The following LRP1B variants were observed in gnomAD, a reference collection of about 807,000 sequenced individuals.
LRP1B encodes low-density lipoprotein receptor-related protein 1B.
LRP1B carries 217 observed loss-of-function variants against 556.6 expected under a neutral mutation model. The observed-to-expected ratio is 0.39, with a 90% CI of 0.35 to 0.44. The LOEUF (loss-of-function observed/expected upper bound fraction) is 0.44, where lower values mean the gene tolerates loss of function less well. Ranked by LOEUF, LRP1B falls within the 20% of genes least tolerant of loss-of-function variation. The probability of loss-of-function intolerance (pLI) is 1.00; values close to 1 mark genes in which losing one functional copy is unlikely to be tolerated. For synonymous variants in LRP1B, 2,047 were observed against 1,865.8 expected (o/e 1.10, Z -2.50); for missense variants, 5,053 against 5,620.8 (o/e 0.90, Z 3.23).
chr2:140,642,132 T>C (rs545477599), intron 41 of LRP1B, among the ~76,000 whole-genome samples: 6 of 152,198 alleles, frequency 3.9e-5, no homozygotes, highest in Non-Finnish European at 5.9e-5. Flanking sequence ...AGAGTTATCA[T>C]TGAGAATCTG....
At chr2:141,412,824 T>C (rs991795917) in intron 3 of LRP1B, among the ~76,000 whole-genome samples, 1 of 152,058 alleles carries the variant, frequency 6.6e-6, no homozygotes, top group Non-Finnish European at 1.5e-5. Context: ...AATTATAAGA[T>C]AGGGTCTGTG....
chr2:140,768,541 T>C (rs1689193945), intron 35 of LRP1B, among the ~76,000 whole-genome samples: 1 of 151,984 alleles, frequency 6.6e-6, no homozygotes, highest in Non-Finnish European at 1.5e-5. Context: ...TTATGCTATG[T>C]CAGAATTTAG....
At position 140,858,376 on chromosome 2, in the gene LRP1B, A is replaced by C. The variant is rs148272334; in HGVS notation, c.4580-6593T>G. ...AATAAAGAGATGCTAGATACGAGTTAACAGTGAGGAGAACAATACAATGTA... is the reference window on the plus strand; with the variant it reads ...AATAAAGAGATGCTAGATACGAGTTCACAGTGAGGAGAACAATACAATGTA... On this transcript the variant is annotated intron_variant, in intron 27 of 90. Coordinates refer to ENST00000389484, the MANE Select transcript of LRP1B (RefSeq NM_018557.3). 2.5e-3 allele frequency among the ~76,000 whole-genome samples: 382 copies of C among 151,938 alleles called. 1 individual carries two copies. Among genetic ancestry groups the C allele is most frequent in the African/African-American group, 8.1e-3 (337 of 41,474 alleles).
intron 2 of LRP1B, among the ~76,000 whole-genome samples, chr2:141,752,663 T>A (rs1694157676): frequency 1.3e-5 from 2 of 151,488 alleles, no homozygotes; most frequent in Admixed American, 1.3e-4. Context: ...TGTGTGTGTG[T>A]GTGTGTGTTT....
chr2:140,661,216 G>A (rs1685079985), intron 41 of LRP1B, among the ~76,000 whole-genome samples: 1 of 152,176 alleles, frequency 6.6e-6, no homozygotes, highest in Admixed American at 6.5e-5. Flanking sequence ...TGGGTAAAGA[G>A]TGCTATTAAA....
At chr2:140,472,564 G>A (rs1003577511) in intron 60 of LRP1B, among the ~76,000 whole-genome samples, 5 of 151,688 alleles carry the variant, frequency 3.3e-5, no homozygotes, top group South Asian at 2.1e-4. Context: ...AGGGTAGATC[G>A]GGGAGCAAAG....
At chr2:141,231,924 T>C (rs538318245) in intron 5 of LRP1B, among the ~76,000 whole-genome samples, 77 of 152,168 alleles carry the variant, frequency 5.1e-4, no homozygotes, top group South Asian at 1.2e-3. Flanking sequence ...ATGGAGAAAA[T>C]AGTCTTATCC....
intron 47 of LRP1B, among the ~76,000 whole-genome samples, chr2:140,533,719 T>G (rs1690822651): frequency 6.6e-6 from 1 of 152,142 alleles, no homozygotes; most frequent in South Asian, 2.1e-4. Context: ...GGAACATTTT[T>G]GGAACAGAAA....
intron 41 of LRP1B, among the ~76,000 whole-genome samples, chr2:140,664,335 G>T (rs553439698): frequency 1.8e-4 from 28 of 152,088 alleles, no homozygotes; most frequent in African/African-American, 6.7e-4. Context: ...GAGTAATAAC[G>T]CAAAATGCAA....
chr2:141,866,870 G>T (rs1257551149), intron 1 of LRP1B, among the ~76,000 whole-genome samples: 2 of 151,550 alleles, frequency 1.3e-5, no homozygotes, highest in African/African-American at 2.4e-5. Context: ...AAAAAGGAAA[G>T]AAATGAAGGG....
intron 43 of LRP1B, among the ~76,000 whole-genome samples, chr2:140,597,974 G>A (rs1378939507): frequency 6.6e-6 from 1 of 152,124 alleles, no homozygotes; most frequent in Non-Finnish European, 1.5e-5. Context: ...TTTCTCTAGT[G>A]CTGTAGCCAC....
chr2:141,703,048 G>A (rs1691997342), intron 2 of LRP1B, among the ~76,000 whole-genome samples: 1 of 151,806 alleles, frequency 6.6e-6, no homozygotes, highest in Admixed American at 6.6e-5. Flanking sequence ...TATATAATAG[G>A]ATAAACAGAA....
chr2:140,640,428 C>T lies in LRP1B; in HGVS notation c.6800-38789G>A, dbSNP rs1289087916. Reference sequence around the variant, plus strand: ...TTTTTTTTTTTGAGATGGCGTCTCGCTCTGTCGCCCAGGCTGGAGTGCAGT... The same window carrying T: ...TTTTTTTTTTTGAGATGGCGTCTCGTTCTGTCGCCCAGGCTGGAGTGCAGT... On this transcript the variant is annotated intron_variant, in intron 41 of 90. Transcript: ENST00000389484. 2.5e-4 allele frequency among the ~76,000 whole-genome samples: 23 copies of T among 91,510 alleles called. No homozygotes were observed. In the Admixed American group the frequency reaches 2.8e-3, roughly 11 times the overall value. The allele number at this position is 91,510 out of a possible 152,430, so 60.0% of individuals were successfully genotyped here.
At chr2:141,821,827 A>G (rs1203582951) in intron 1 of LRP1B, among the ~76,000 whole-genome samples, 1 of 152,136 alleles carries the variant, frequency 6.6e-6, no homozygotes, top group Non-Finnish European at 1.5e-5. Flanking sequence ...AAACCGAGAC[A>G]AAATTGAAAA....
At chr2:140,447,995 T>C (rs1213984143) in intron 63 of LRP1B, among the ~76,000 whole-genome samples, 2 of 152,024 alleles carry the variant, frequency 1.3e-5, no homozygotes, top group African/African-American at 4.8e-5. Flanking sequence ...TCTGTGGTGT[T>C]CCAAAACAAT....
chr2:141,147,271 G>C (rs1479399222), intron 7 of LRP1B, among the ~76,000 whole-genome samples: 2 of 152,024 alleles, frequency 1.3e-5, no homozygotes, highest in East Asian at 3.9e-4. Context: ...TCCTTTACTG[G>C]CTCCTCTAAA....
intron 2 of LRP1B, among the ~76,000 whole-genome samples, chr2:141,480,975 G>T (rs1682899786): frequency 6.6e-6 from 1 of 152,094 alleles, no homozygotes; most frequent in African/African-American, 2.4e-5. Context: ...TGTTTCAGTG[G>T]CATTTACTTG....
At chr2:141,333,706 T>C (rs1332178423) in intron 3 of LRP1B, among the ~76,000 whole-genome samples, 1 of 152,218 alleles carries the variant, frequency 6.6e-6, no homozygotes, top group Admixed American at 6.5e-5. Context: ...AACTATAATT[T>C]ACTAGGACCA....
chr2:140,860,287 A>T (rs1291581273), intron 27 of LRP1B, among the ~76,000 whole-genome samples: 1 of 152,166 alleles, frequency 6.6e-6, no homozygotes, highest in Admixed American at 6.5e-5. Flanking sequence ...GTATGATTAC[A>T]TTTGATCTAA....
Sources: allele counts gnomAD v4.1 joint callset (sites outside exome capture counted in the v4.1 genomes callset), GRCh38; gene constraint gnomAD v4.1.1; transcripts MANE v1.5; gene names NCBI Gene and HGNC (gene_info 2026-07-23, HGNC 2026-07-21).